Variants in FABP12 observed in about 807,000 individuals in gnomAD.
The protein encoded by FABP12 is fatty acid-binding protein 12.
A neutral mutation model predicts 13.7 loss-of-function variants in FABP12; 19 were observed. The ratio of observed to expected loss-of-function variants is 1.39; its 90% CI spans 0.97 to 2.04. The LOEUF (loss-of-function observed/expected upper bound fraction) is 2.04. Among genes scored for constraint, FABP12 ranks in the 30% most tolerant of loss-of-function variants. The pLI, the probability that FABP12 is intolerant of heterozygous loss-of-function variation, is 0.00. For missense variants in FABP12, 182 were observed against 164.2 expected (o/e 1.11, Z -0.59); for synonymous variants, 61 against 57.0 (o/e 1.07, Z -0.32).
intron 1 of FABP12, among the ~76,000 whole-genome samples, chr8:81,584,781 C>G (rs145581621): frequency 2.0e-5 from 3 of 152,282 alleles, no homozygotes; most frequent in Non-Finnish European, 4.4e-5. Context: ...ACAAGGGTTC[C>G]TCCTTCTCCA....
chr8:81,577,661 T>C (rs1810073615), intron 1 of FABP12, among the ~76,000 whole-genome samples: 1 of 152,224 alleles, frequency 6.6e-6, no homozygotes, highest in Admixed American at 6.5e-5. Flanking sequence ...CTCAGGAGGC[T>C]GAAGTAGGAG....
intron 1 of FABP12, among the ~76,000 whole-genome samples, chr8:81,557,217 C>A (rs1056626565): frequency 6.6e-6 from 1 of 152,064 alleles, no homozygotes; most frequent in African/African-American, 2.4e-5. Context: ...TTTCTAGAAG[C>A]TACTAATTTT....
At chr8:81,543,476 C>G (rs1301932826) in intron 1 of FABP12, among the ~76,000 whole-genome samples, 4 of 152,268 alleles carry the variant, frequency 2.6e-5, no homozygotes, top group Non-Finnish European at 5.9e-5. Flanking sequence ...TGAGCAAGCA[C>G]TATTTTAAAA....
intron 3 of FABP12, among the ~76,000 whole-genome samples, chr8:81,528,574 G>C (rs1459924596): frequency 6.6e-6 from 1 of 152,002 alleles, no homozygotes; most frequent in Non-Finnish European, 1.5e-5. Context: ...CCTCTATTGA[G>C]TTCATTCATT....
At chr8:81,551,084 G>A (rs1417170416) in intron 1 of FABP12, among the ~76,000 whole-genome samples, 1 of 152,098 alleles carries the variant, frequency 6.6e-6, no homozygotes, top group Admixed American at 6.6e-5. Context: ...TCTCCCTTCT[G>A]GATGTGCAAG....
upstream of FABP12, among the ~76,000 whole-genome samples, chr8:81,536,215 T>C (rs1809217864): frequency 6.6e-6 from 1 of 152,220 alleles, no homozygotes; most frequent in African/African-American, 2.4e-5. Flanking sequence ...CTCTCACCAG[T>C]GCATTCCTGA....
chr8:81,538,271 T>C (rs1460404180), upstream of FABP12, among the ~76,000 whole-genome samples: 1 of 152,204 alleles, frequency 6.6e-6, no homozygotes, highest in East Asian at 1.9e-4. Context: ...CTGGGGATTA[T>C]TACATCTCAG....
At chr8:81,561,698 C>T (rs1018173323) in intron 1 of FABP12, among the ~76,000 whole-genome samples, 3 of 152,090 alleles carry the variant, frequency 2.0e-5, no homozygotes, top group African/African-American at 7.2e-5. Context: ...CTGTCAAAGC[C>T]GAAAGCAACA....
Position 81,577,354 on chromosome 8 carries a change from G to A in FABP12, c.-185+12699C>T, listed in dbSNP as rs114346029. Among the ~76,000 whole-genome samples, 1,031 of 152,258 alleles carry A rather than the reference G, an allele frequency of 6.8e-3. 11 individuals carry two copies. Among genetic ancestry groups the A allele is most frequent in the South Asian group, 0.022 (104 of 4,830 alleles). On this transcript the variant is annotated intron_variant, in intron 1 of 5. Coordinates refer to the FABP12 transcript ENST00000692030. ...GAGGTATTTCCTTCAAAGATCCCAA[G>A]AATATGTTGTATTAATTTTGATTTT...
chr8:81,576,449 G>A (rs756738291), intron 1 of FABP12, among the ~76,000 whole-genome samples: 1 of 151,766 alleles, frequency 6.6e-6, no homozygotes, highest in Non-Finnish European at 1.5e-5. Flanking sequence ...TCGAAATTTC[G>A]AGGGCCTTGA....
At chr8:81,580,632 A>C (rs181755696) in intron 1 of FABP12, among the ~76,000 whole-genome samples, 6 of 152,168 alleles carry the variant, frequency 3.9e-5, no homozygotes, top group African/African-American at 1.4e-4. Context: ...TGGACAAAGC[A>C]TGTACTTTCT....
upstream of FABP12, among the ~76,000 whole-genome samples, chr8:81,538,358 T>C (rs141680977): frequency 8.3e-4 from 126 of 152,326 alleles, 1 homozygote; most frequent in African/African-American, 2.9e-3. Context: ...CCACAAAAGA[T>C]ACGTTCAAGC....
At chr8:81,568,610 G>A (rs1380216400) in intron 1 of FABP12, among the ~76,000 whole-genome samples, 1 of 152,172 alleles carries the variant, frequency 6.6e-6, no homozygotes, top group African/African-American at 2.4e-5. Flanking sequence ...ACCACATGAT[G>A]CAGCAACACC....
rs746857046 is a variant in FABP12 at position 81,546,869 on chromosome 8, C to T, written c.-184-7126G>A. Among the ~76,000 whole-genome samples, 248 of 152,274 alleles carry T rather than the reference C, an allele frequency of 1.6e-3. 2 individuals are homozygous for T. The highest frequency in any genetic ancestry group is 2.8e-3 in the Admixed American group (43 of 15,300). On this transcript the variant is annotated intron_variant, in intron 1 of 5. Transcript: ENST00000692030. Reference sequence around the variant, plus strand: ...CCCAACATGGAGAGCCTCCTGTCTTCACACGCCCACCTCAAGTCACAGAAC... The same window carrying T: ...CCCAACATGGAGAGCCTCCTGTCTTTACACGCCCACCTCAAGTCACAGAAC...
intron 1 of FABP12, among the ~76,000 whole-genome samples, chr8:81,572,314 C>T (rs867502013): frequency 5.3e-5 from 8 of 152,140 alleles, no homozygotes; most frequent in Non-Finnish European, 4.4e-5. Flanking sequence ...GAGTAGTATT[C>T]CATCATATAA....
At chr8:81,541,910 T>TAAAAAAAA (rs1167487132) in intron 1 of FABP12, among the ~76,000 whole-genome samples, 4 of 71,152 alleles carry the variant, frequency 5.6e-5, no homozygotes, top group African/African-American at 1.6e-4. Flanking sequence ...TCCCAGGGTT[T>TAAAAAAAA]AAAAAAAAAA....
At chr8:81,571,250 C>G (rs984360529) in intron 1 of FABP12, among the ~76,000 whole-genome samples, 3 of 152,222 alleles carry the variant, frequency 2.0e-5, no homozygotes, top group Non-Finnish European at 2.9e-5. Flanking sequence ...TCCGAGCCTG[C>G]AAGGGCAAGT....
intron 1 of FABP12, among the ~76,000 whole-genome samples, chr8:81,578,889 A>G (rs1810105472): frequency 1.5e-5 from 2 of 130,620 alleles, no homozygotes; most frequent in Admixed American, 1.7e-4. Context: ...CAGTGGCACA[A>G]TCTTGGCTCA....
At chr8:81,537,007 A>G (rs2129974770), upstream of FABP12, among the ~76,000 whole-genome samples, 1 of 152,340 alleles carries the variant, frequency 6.6e-6, no homozygotes, top group East Asian at 1.9e-4. Context: ...ACTGGGGATC[A>G]TAACTTAACA....
Sources: allele counts gnomAD v4.1 joint callset (sites outside exome capture counted in the v4.1 genomes callset), GRCh38; gene constraint gnomAD v4.1.1; transcripts MANE v1.5; gene names NCBI Gene and HGNC (gene_info 2026-07-23, HGNC 2026-07-21).